Variants in NCOA1 observed in about 807,000 individuals in gnomAD.
NCOA1 encodes nuclear receptor coactivator 1.
NCOA1 carries 35 observed loss-of-function variants against 150.9 expected under a neutral mutation model. The observed-to-expected ratio is 0.23, with a 90% confidence interval of 0.18 to 0.31. The LOEUF (loss-of-function observed/expected upper bound fraction) is 0.31, where lower values mean the gene tolerates loss of function less well. Among genes scored for constraint, NCOA1 ranks in the 10% least tolerant of loss-of-function variants. The pLI is 1.00. For missense variants in NCOA1, 1,491 were observed against 1,749.3 expected (o/e 0.85, Z 2.63); for synonymous variants, 590 against 630.0 (o/e 0.94, Z 0.95).
chr2:24,604,996 C>A (rs781541372), intron 3 of NCOA1, among the ~76,000 whole-genome samples: 1 of 152,040 alleles, frequency 6.6e-6, no homozygotes, highest in Non-Finnish European at 1.5e-5. Context: ...TTAGTATTAT[C>A]GTGTCTCAGG....
intron 14 of NCOA1, among the ~76,000 whole-genome samples, chr2:24,718,500 A>G (rs753860522): frequency 6.6e-6 from 1 of 152,118 alleles, no homozygotes; most frequent in Non-Finnish European, 1.5e-5. Context: ...GTCCATAAAG[A>G]TACTTGACTA....
At chr2:24,733,333 C>CA (rs1347492525) in intron 17 of NCOA1, among the ~76,000 whole-genome samples, 10 of 149,976 alleles carry the variant, frequency 6.7e-5, no homozygotes, top group South Asian at 2.1e-4. Flanking sequence ...TCAGTGTAGA[C>CA]AAAAAAAAGA....
intron 11 of NCOA1, among the ~76,000 whole-genome samples, chr2:24,700,082 G>A (rs955759023): frequency 1.3e-5 from 2 of 151,830 alleles, no homozygotes; most frequent in East Asian, 3.9e-4. Context: ...GGTGGAGGTT[G>A]CGGTGAGCCA....
intron 7 of NCOA1, among the ~76,000 whole-genome samples, chr2:24,681,730 G>A (rs993292935): frequency 4.1e-5 from 6 of 147,946 alleles, no homozygotes; most frequent in African/African-American, 1.2e-4. Flanking sequence ...TTTTTGAGAC[G>A]GAGTCTTGGA....
At chr2:24,625,967 A>G (rs1325032343) in intron 3 of NCOA1, among the ~76,000 whole-genome samples, 1 of 152,200 alleles carries the variant, frequency 6.6e-6, no homozygotes, top group Non-Finnish European at 1.5e-5. Context: ...CTCAAAAACA[A>G]TGTATTCTAT....
intron 20 of NCOA1, among the ~76,000 whole-genome samples, chr2:24,753,288 T>C (rs1048752065): frequency 2.0e-5 from 3 of 152,150 alleles, no homozygotes; most frequent in African/African-American, 4.8e-5. Flanking sequence ...GTTGCACTTA[T>C]GCCTGGCAAA....
intron 18 of NCOA1, among the ~76,000 whole-genome samples, chr2:24,740,461 A>G (rs913500432): frequency 2.6e-5 from 4 of 152,224 alleles, no homozygotes; most frequent in African/African-American, 9.6e-5. Flanking sequence ...GACAATTGTT[A>G]TGGTATTTGT....
At chr2:24,728,562 C>A in intron 16 of NCOA1, 86 bp downstream of exon 16, 1 of 1,135,886 alleles carries the variant, frequency 8.8e-7, no homozygotes, top group Non-Finnish European at 1.2e-6. Flanking sequence ...AGTATTGTAC[C>A]CACTATGCTT....
intron 1 of NCOA1, among the ~76,000 whole-genome samples, chr2:24,529,122 G>A (rs1381419562): frequency 1.3e-5 from 2 of 151,994 alleles, no homozygotes; most frequent in South Asian, 2.1e-4. Flanking sequence ...TCCTGACCTC[G>A]TGATCTGTTT....
chr2:24,544,439 G>A lies in NCOA1; in HGVS notation c.-395-19856G>A, dbSNP rs1016127823. Among the ~76,000 whole-genome samples the A allele has an allele frequency of 2.6e-5, 4 of 152,128 alleles. No homozygotes were observed. In the South Asian group the frequency reaches 8.3e-4, roughly 32 times the overall value. On this transcript the variant is annotated intron_variant, in intron 1 of 22. Coordinates refer to ENST00000348332, the MANE Select transcript of NCOA1 (RefSeq NM_003743.5). ...TCCAGGTCAAGGATCTTAGGAACAC[G>A]TGCTTCTAAAATGAGGATTCTGGCT...
intron 3 of NCOA1, among the ~76,000 whole-genome samples, chr2:24,620,636 A>G (rs528113006): frequency 1.3e-5 from 2 of 152,320 alleles, no homozygotes; most frequent in African/African-American, 4.8e-5. Context: ...ATTCAATATT[A>G]TGAGTCTTTC....
At chr2:24,513,405 T>TC (rs1664019537) in intron 1 of NCOA1, among the ~76,000 whole-genome samples, 2 of 152,216 alleles carry the variant, frequency 1.3e-5, no homozygotes, top group Non-Finnish European at 2.9e-5. Flanking sequence ...CCTTTTTTTT[T>TC]CTCATCCTTT....
chr2:24,756,558 C>T lies in NCOA1; in HGVS notation c.3882-1415C>T, dbSNP rs56182829. 6.4e-3 allele frequency among the ~76,000 whole-genome samples: 979 copies of T among 151,938 alleles called. 8 individuals carry two copies. The highest frequency in any genetic ancestry group is 0.023 in the African/African-American group (942 of 41,418). ...TATCCTTCTTAACACTAAGAGCTAG[C>T]GAGGAATAGATAAACTATTGATGGG... On this transcript the variant is annotated intron_variant, in intron 20 of 22. Coordinates refer to ENST00000348332, the MANE Select transcript of NCOA1 (RefSeq NM_003743.5).
In NCOA1 at chr2:24,656,135, T is replaced by C. The variant is rs1038750978; in HGVS notation, c.-17-2526T>C. Among the ~76,000 whole-genome samples the C allele has an allele frequency of 2.7e-5, 4 of 150,928 alleles. No individual in the cohort carries two copies. The East Asian group carries it at 7.8e-4, about 29-fold the overall frequency. On this transcript the variant is annotated intron_variant, in intron 4 of 22. Coordinates refer to ENST00000348332, the MANE Select transcript of NCOA1 (RefSeq NM_003743.5). ...GAAGAAGTAAAAACTGACATTTGCT[T>C]GCATGCAGGATATGAGAGAAGAGGC... is the stretch of plus-strand genomic sequence containing the variant.
chr2:24,727,163 GGGT>G (rs1416681299), intron 15 of NCOA1, among the ~76,000 whole-genome samples: 1 of 142,256 alleles, frequency 7.0e-6, no homozygotes, highest in Non-Finnish European at 1.5e-5. Context: ...AAAAAAAAAA[GGGT>G]GGCGGGGACA....
intron 1 of NCOA1, among the ~76,000 whole-genome samples, chr2:24,507,816 A>G (rs1663771792): frequency 6.6e-6 from 1 of 152,118 alleles, no homozygotes; most frequent in East Asian, 1.9e-4. Context: ...AGGACCTTGT[A>G]GCATATGGTT....
intron 7 of NCOA1, among the ~76,000 whole-genome samples, chr2:24,675,955 A>T (rs1671889936): frequency 6.6e-6 from 1 of 152,178 alleles, no homozygotes; most frequent in Middle Eastern, 3.2e-3. Flanking sequence ...GTACCTGTGA[A>T]TCACAAAGGT....
intron 1 of NCOA1, among the ~76,000 whole-genome samples, chr2:24,507,441 T>G (rs1489862116): frequency 2.6e-5 from 4 of 151,120 alleles, no homozygotes; most frequent in African/African-American, 9.7e-5. Flanking sequence ...CTGGGTTTTT[T>G]TTTTTTTTTT....
At chr2:24,513,771 C>T (rs1394554144) in intron 1 of NCOA1, among the ~76,000 whole-genome samples, 1 of 152,112 alleles carries the variant, frequency 6.6e-6, no homozygotes, top group African/African-American at 2.4e-5. Flanking sequence ...TCTAGTGTTT[C>T]ATTTCTTAGC....
Sources: allele counts gnomAD v4.1 joint callset (sites outside exome capture counted in the v4.1 genomes callset), GRCh38; gene constraint gnomAD v4.1.1; transcripts MANE v1.5; gene names NCBI Gene and HGNC (gene_info 2026-07-23, HGNC 2026-07-21).